Variants in LRRC4C observed in about 807,000 individuals in gnomAD.
The protein encoded by LRRC4C is leucine-rich repeat-containing protein 4C.
Under a neutral mutation model 33.6 loss-of-function variants are expected in LRRC4C, and 5 were observed. The ratio of observed to expected loss-of-function variants is 0.15; its 90% CI spans 0.08 to 0.31. The LOEUF (loss-of-function observed/expected upper bound fraction) is 0.31. Among genes scored for constraint, LRRC4C ranks in the 10% least tolerant of loss-of-function variants. The pLI is 1.00. For synonymous variants in LRRC4C, 329 were observed against 302.0 expected (o/e 1.09, Z -0.93); for missense variants, 560 against 796.7 (o/e 0.70, Z 3.58).
chr11:40,972,822 T>C (rs1293636967), intron 1 of LRRC4C, among the ~76,000 whole-genome samples: 1 of 152,124 alleles, frequency 6.6e-6, no homozygotes, highest in East Asian at 1.9e-4. Context: ...AGATGAGGTT[T>C]GGGTGGGGAC....
rs74260780 is a variant in LRRC4C, at chr11:41,209,075, GA to G, written c.-496+250355del. On this transcript the variant is annotated intron_variant, in intron 1 of 6. Coordinates refer to ENST00000528697, the MANE Select transcript of LRRC4C (RefSeq NM_001258419.2). ...GTGGGAGGAGGAAGAGGTTCAGAAA[GA>G]AAAAAAAAAAAACCCGTTAGGTACT... 1.3e-3 allele frequency among the ~76,000 whole-genome samples: 172 copies of G among 129,484 alleles called. 1 individual carries two copies. The highest frequency in any genetic ancestry group is 8.0e-3 in the Middle Eastern group (2 of 250). The allele number at this position is 129,484 out of a possible 152,430, so 84.9% of individuals were successfully genotyped here.
chr11:41,400,900 CAT>C (rs1954001330), intron 1 of LRRC4C, among the ~76,000 whole-genome samples: 2 of 151,786 alleles, frequency 1.3e-5, no homozygotes, highest in Non-Finnish European at 2.9e-5. Context: ...CCCCTGTTCC[CAT>C]AAAATGCTGC....
chr11:40,551,692 T>C (rs901798499), intron 3 of LRRC4C, among the ~76,000 whole-genome samples: 21 of 152,214 alleles, frequency 1.4e-4, no homozygotes, highest in African/African-American at 5.1e-4. Context: ...TATTTTTTAC[T>C]GTTCATTATC....
At chr11:40,574,723 C>T (rs939386639) in intron 3 of LRRC4C, among the ~76,000 whole-genome samples, 1 of 152,180 alleles carries the variant, frequency 6.6e-6, no homozygotes, top group Non-Finnish European at 1.5e-5. Context: ...GCACTCTCCC[C>T]TTTCTTTCCA....
At chr11:41,239,151 TAAA>T (rs71466925) in intron 1 of LRRC4C, among the ~76,000 whole-genome samples, 2,356 of 112,696 alleles carry the variant, frequency 0.021, 71 homozygotes, top group African/African-American at 0.078. Context: ...CCGTCTCTAC[TAAA>T]AAAAAAAAAA....
intron 3 of LRRC4C, among the ~76,000 whole-genome samples, chr11:40,424,237 T>A (rs1486141502): frequency 6.6e-6 from 1 of 152,172 alleles, no homozygotes; most frequent in East Asian, 1.9e-4. Flanking sequence ...AGACTGGTAC[T>A]TTAGTGAAGC....
intron 1 of LRRC4C, among the ~76,000 whole-genome samples, chr11:41,340,800 A>G (rs1373692026): frequency 6.6e-6 from 1 of 152,230 alleles, no homozygotes; most frequent in Non-Finnish European, 1.5e-5. Context: ...AGAGTACTTC[A>G]CACATGGTGT....
At chr11:40,321,039 T>G (rs757370735) in intron 3 of LRRC4C, among the ~76,000 whole-genome samples, 2 of 152,220 alleles carry the variant, frequency 1.3e-5, no homozygotes, top group Non-Finnish European at 2.9e-5. Flanking sequence ...CTCAAAAGAT[T>G]AATAACTCTT....
chr11:41,187,520 C>G (rs1456602991), intron 1 of LRRC4C, among the ~76,000 whole-genome samples: 1 of 152,180 alleles, frequency 6.6e-6, no homozygotes, highest in Non-Finnish European at 1.5e-5. Flanking sequence ...CATCCCCCTT[C>G]TGGCCTCCCC....
chr11:41,400,858 A>G (rs11036385), intron 1 of LRRC4C, among the ~76,000 whole-genome samples: 17,175 of 151,858 alleles, frequency 0.11, 3,255 homozygotes, highest in African/African-American at 0.39. Context: ...ACACTTGAAA[A>G]AGTCCATATT....
chr11:40,293,054 A>C (rs1444225603), intron 4 of LRRC4C: 4 of 151,394 alleles, frequency 2.6e-5, no homozygotes, highest in Non-Finnish European at 5.9e-5. Context: ...TAGATTTCTC[A>C]TCACAACCCA....
At chr11:40,664,127 T>C (rs1385668226) in intron 2 of LRRC4C, among the ~76,000 whole-genome samples, 1 of 152,194 alleles carries the variant, frequency 6.6e-6, no homozygotes, top group East Asian at 1.9e-4. Flanking sequence ...TATTATAAAA[T>C]ATTTGGAACT....
At chr11:40,843,031 T>A (rs1329892238) in intron 2 of LRRC4C, among the ~76,000 whole-genome samples, 1 of 152,178 alleles carries the variant, frequency 6.6e-6, no homozygotes, top group East Asian at 1.9e-4. Flanking sequence ...AGAAGTGACA[T>A]TTCTGAGCCT....
chr11:40,115,799 G>A lies in LRRC4C; in HGVS notation c.494C>T (p.Ser165Phe), dbSNP rs1855386979. The change falls in exon 7 of 7, where the codon TCT becomes TTT. Residue 165 changes from serine (S) to phenylalanine (F), a missense_variant. Physicochemically the swap from Ser to Phe is radical, Grantham distance 155 (BLOSUM62 -2). This residue lies in a region of LRRC4C where 455 missense variants were observed against 643.8 expected (regional missense o/e 0.71). Transcript: ENST00000528697. This position sits in a 1 kb window ranked among gnomAD's most constrained non-coding sequence, Gnocchi z 6.7. ...LRNNPIESIP[S>F]YAFNRIPSLR... ...AGAAGGAATTCTGTTAAAAGCATAA[G>A]AAGGGATGCTTTCAATGGGGTTGTT... is the stretch of plus-strand genomic sequence containing the variant. The A allele has an allele frequency of 6.2e-7, 1 of 1,614,160 alleles. No individual in the cohort carries two copies. The highest frequency in any genetic ancestry group is 1.1e-5 in the South Asian group (1 of 91,082).
intron 4 of LRRC4C, among the ~76,000 whole-genome samples, chr11:40,314,341 A>G (rs1292606728): frequency 2.0e-5 from 3 of 152,118 alleles, no homozygotes; most frequent in Non-Finnish European, 4.4e-5. Flanking sequence ...AATTAAAACC[A>G]AAGTGAGTTA....
intron 4 of LRRC4C, among the ~76,000 whole-genome samples, chr11:40,267,287 G>C (rs1455027337): frequency 6.6e-6 from 1 of 152,154 alleles, no homozygotes; most frequent in Non-Finnish European, 1.5e-5. Flanking sequence ...TGATATTAGT[G>C]AGTGGTAATT....
rs114725906 is a variant in LRRC4C at position 41,021,748 on chromosome 11, T to A, written c.-495-88025A>T. Among the ~76,000 whole-genome samples the A allele has an allele frequency of 3.8e-3, 585 of 152,156 alleles. 4 individuals are homozygous for A. Among genetic ancestry groups the A allele is most frequent in the African/African-American group, 0.013 (537 of 41,526 alleles). On this transcript the variant is annotated intron_variant, in intron 1 of 6. Transcript: ENST00000528697. ...TTCTGCCTGAGACACAGAATTTGTC[T>A]CTATGTGACTAACCTCAGAAGTAAG...
At chr11:40,424,361 C>T (rs1215386648) in intron 3 of LRRC4C, among the ~76,000 whole-genome samples, 2 of 152,110 alleles carry the variant, frequency 1.3e-5, no homozygotes, top group Non-Finnish European at 2.9e-5. Flanking sequence ...TAAAAACTTT[C>T]AGCTTACCAC....
intron 1 of LRRC4C, among the ~76,000 whole-genome samples, chr11:41,056,455 AT>A (rs1858627882): frequency 6.6e-6 from 1 of 152,198 alleles, no homozygotes; most frequent in African/African-American, 2.4e-5. Flanking sequence ...ATCAAAAGAC[AT>A]TATCAACAGA....
Sources: gnomAD v4.1 joint callset for allele counts (sites outside exome capture counted in the v4.1 genomes callset) on GRCh38, gnomAD v4.1.1 for gene constraint, gnomAD v4.1.1 regional missense constraint, Gnocchi (gnomAD v3.1) non-coding constraint, MANE v1.5 for transcripts, NCBI Gene and HGNC (gene_info 2026-07-23, HGNC 2026-07-21) for gene names.